The following KLHL13 variants were observed in gnomAD, a reference collection of about 807,000 sequenced individuals.
KLHL13 encodes the protein kelch-like protein 13.
A neutral mutation model predicts 37.1 loss-of-function variants in KLHL13; 10 were observed. The observed-to-expected ratio is 0.27, with a 90% CI of 0.17 to 0.46. The LOEUF is 0.46. Among genes scored for constraint, KLHL13 ranks in the 20% least tolerant of loss-of-function variants. The pLI, the probability that KLHL13 is intolerant of heterozygous loss-of-function variation, is 1.00. For synonymous variants in KLHL13, 163 were observed against 181.2 expected (o/e 0.90, Z 0.81); for missense variants, 360 against 509.3 (o/e 0.71, Z 2.82).
At chrX:117,973,111 C>T (rs989607712) in exon 1 of KLHL13, 14 of 972,571 alleles carry the variant, frequency 1.4e-5, no homozygotes, top group African/African-American at 2.0e-5. Context: ...TAGGACTGCA[C>T]TGTGCATACC....
chrX:118,084,719 A>G (rs1244062824), intron 1 of KLHL13, among the ~76,000 whole-genome samples: 2 of 111,673 alleles, frequency 1.8e-5, no homozygotes, highest in Non-Finnish European at 3.8e-5. Flanking sequence ...ACACAGTACT[A>G]TGGAGTTATT....
At chrX:118,012,960 T>C (rs750219853) in intron 1 of KLHL13, among the ~76,000 whole-genome samples, 1 of 112,077 alleles carries the variant, frequency 8.9e-6, no homozygotes, top group South Asian at 3.7e-4. Flanking sequence ...TATTGACTCA[T>C]GGATAAAAAT....
At chrX:118,066,024 T>C (rs1357198828) in intron 1 of KLHL13, among the ~76,000 whole-genome samples, 1 of 111,795 alleles carries the variant, frequency 8.9e-6, no homozygotes, top group Non-Finnish European at 1.9e-5. Flanking sequence ...AGTAGAATTG[T>C]TACAAAGCAG....
At chrX:118,053,765 T>TTGTGTGTG (rs774059071) in intron 1 of KLHL13, among the ~76,000 whole-genome samples, 25 of 67,909 alleles carry the variant, frequency 3.7e-4, no homozygotes, top group African/African-American at 1.4e-3. Flanking sequence ...CAATCTCAAT[T>TTGTGTGTG]TGTGTGTGTG....
chrX:118,005,861 C>T (rs143562913), intron 1 of KLHL13, among the ~76,000 whole-genome samples: 138 of 111,740 alleles, frequency 1.2e-3, no homozygotes, highest in African/African-American at 4.4e-3. Context: ...AAGACATGGG[C>T]CTAAAAATAG....
intron 1 of KLHL13, among the ~76,000 whole-genome samples, chrX:118,085,153 T>A (rs750251227): frequency 5.4e-5 from 6 of 111,298 alleles, no homozygotes; most frequent in Non-Finnish European, 9.4e-5. Context: ...GATAAATGAA[T>A]AAACATAAGT....
At chrX:118,048,652 T>C (rs746569201) in intron 1 of KLHL13, among the ~76,000 whole-genome samples, 13 of 111,972 alleles carry the variant, frequency 1.2e-4, no homozygotes, top group African/African-American at 3.2e-4. Context: ...TATGTAGATG[T>C]GCAGACGGGA....
intron 1 of KLHL13, among the ~76,000 whole-genome samples, chrX:118,111,675 G>A (rs1242506757): frequency 5.3e-5 from 6 of 112,507 alleles, no homozygotes; most frequent in Admixed American, 9.4e-5. Flanking sequence ...GGTGGATCAC[G>A]AGGTCAGAAG....
intron 1 of KLHL13, among the ~76,000 whole-genome samples, chrX:117,997,207 T>A (rs1316194520): frequency 9.2e-6 from 1 of 108,205 alleles, no homozygotes; most frequent in East Asian, 2.9e-4. Context: ...AAGTATGCCA[T>A]CTCCTAGAAG....
At chrX:117,948,409 G>A (rs895808521) in intron 1 of KLHL13, among the ~76,000 whole-genome samples, 1 of 111,775 alleles carries the variant, frequency 8.9e-6, no homozygotes, top group Non-Finnish European at 1.9e-5. Flanking sequence ...TCAAGTCTAA[G>A]AGTAAAAAAG....
At chrX:118,086,637 G>A (rs942662353) in intron 1 of KLHL13, among the ~76,000 whole-genome samples, 6 of 111,598 alleles carry the variant, frequency 5.4e-5, no homozygotes, top group Non-Finnish European at 1.1e-4. Flanking sequence ...TGTGTATCAC[G>A]TACTTCCATT....
chrX:117,957,628 A>T (rs1216161976), intron 1 of KLHL13, among the ~76,000 whole-genome samples: 2 of 111,791 alleles, frequency 1.8e-5, no homozygotes, highest in Non-Finnish European at 3.8e-5. Context: ...TATCAGCTAA[A>T]CCTTTATGGT....
chrX:117,973,769 C>CT (rs2053561343), upstream of KLHL13: 6 of 759,100 alleles, frequency 7.9e-6, no homozygotes, highest in African/African-American at 2.3e-5. Flanking sequence ...TATCAACAAT[C>CT]TAATTCAATA....
chrX:117,972,748 T>C (rs777510215), exon 1 of KLHL13: 8 of 1,207,296 alleles, frequency 6.6e-6, no homozygotes, highest in Non-Finnish European at 4.5e-6. Flanking sequence ...CTGGAGAAAG[T>C]GGAGTTGACC....
chrX:117,963,598 G>A (rs1338558189), intron 1 of KLHL13, among the ~76,000 whole-genome samples: 1 of 103,082 alleles, frequency 9.7e-6, no homozygotes, highest in Non-Finnish European at 2.0e-5. Flanking sequence ...TGGGATGGCT[G>A]GGTCAAATGG....
rs1282521889 is a variant in KLHL13, at chrX:118,023,469, C to T, written c.-55-77894G>A. On this transcript the variant is annotated intron_variant, in intron 1 of 6. Coordinates refer to the KLHL13 transcript ENST00000371882. ...CACCTTTGGATTTTAACTTTTGGTT[C>T]TCATTACATCTATGCATTCTATGAA... 5.4e-5 allele frequency among the ~76,000 whole-genome samples: 6 copies of T among 111,603 alleles called. No individual in the cohort carries two copies. The Admixed American group carries it at 5.7e-4, about 11-fold the overall frequency.
chrX:118,006,574 A>G (rs2053985973), intron 1 of KLHL13, among the ~76,000 whole-genome samples: 1 of 112,163 alleles, frequency 8.9e-6, no homozygotes, highest in African/African-American at 3.2e-5. Flanking sequence ...CTATTCTTAG[A>G]AAAACAAATA....
At chrX:118,059,776 C>T (rs1432583576) in intron 1 of KLHL13, among the ~76,000 whole-genome samples, 1 of 111,099 alleles carries the variant, frequency 9.0e-6, no homozygotes, top group Non-Finnish European at 1.9e-5. Flanking sequence ...CACTGACCTA[C>T]AATATACCAG....
At chrX:117,938,941 G>A (rs1932899951) in intron 2 of KLHL13, among the ~76,000 whole-genome samples, 1 of 109,875 alleles carries the variant, frequency 9.1e-6, no homozygotes, top group Admixed American at 9.7e-5. Flanking sequence ...GGATTAGAGG[G>A]ATTTATTTTT....
Sources: allele counts gnomAD v4.1 joint callset (sites outside exome capture counted in the v4.1 genomes callset), GRCh38; gene constraint gnomAD v4.1.1; transcripts MANE v1.5; gene names NCBI Gene and HGNC (gene_info 2026-07-23, HGNC 2026-07-21).